The following PKDREJ variants were observed in gnomAD, a reference collection of about 807,000 sequenced individuals.
The protein encoded by PKDREJ is polycystin family receptor for egg jelly.
For missense variants in PKDREJ, 2,507 were observed against 2,807.2 expected (o/e 0.89, Z 2.42); for synonymous variants, 1,031 against 1,095.5 (o/e 0.94, Z 1.16).
Position 46,259,254 on chromosome 22 carries a change from A to G in PKDREJ, c.4069T>C (p.Phe1357Leu). The G allele has an allele frequency of 6.2e-7, 1 of 1,613,938 alleles. No homozygotes were observed. Among genetic ancestry groups the G allele is most frequent in the South Asian group, 1.1e-5 (1 of 91,030 alleles). The stretch of plus-strand genomic sequence containing the variant: ...TTACTACTCACATCTATAAAGAAAA[A>G]GTCTTTTCTAGTCAGACGCTCATCT... The part of the protein sequence containing the change: ...HPDERLTRKD[F>L]FFIDVSSNLR... Residue 1357 changes from phenylalanine to leucine, a missense_variant, in exon 1 of 1, where the codon TTT becomes CTT. Coordinates refer to ENST00000253255, the MANE Select transcript of PKDREJ (RefSeq NM_006071.2). This position sits in a 1 kb window ranked among gnomAD's most constrained non-coding sequence, Gnocchi z 6.8.
chr22:46,257,303 C>T lies in PKDREJ; in HGVS notation c.6020G>A (p.Cys2007Tyr). 6.2e-7 allele frequency: 1 copy of T among 1,614,006 alleles called. No individual in the cohort carries two copies. Among genetic ancestry groups the T allele is most frequent in the Non-Finnish European group, 8.5e-7 (1 of 1,180,016 alleles). ...GAGCACAATCAACACAGTAAATATG[C>T]ACTTTAAAGCAAAGTTGAGCAAATT... ...VYNLLNFALKCIFTVLIVLFL... is the reference protein window; with the variant it reads ...VYNLLNFALKYIFTVLIVLFL... Residue 2007 changes from cysteine (C) to tyrosine (Y), a missense_variant, in exon 1 of 1, where the codon TGC becomes TAC. Physicochemically the swap from Cys to Tyr is radical, Grantham distance 194 (BLOSUM62 -2). Coordinates refer to ENST00000253255, the MANE Select transcript of PKDREJ (RefSeq NM_006071.2). The surrounding 1 kb of genome is among the most constrained non-coding windows in gnomAD (Gnocchi z 4.7).
In PKDREJ at chr22:46,259,587, T is replaced by G; in HGVS notation, c.3736A>C (p.Thr1246Pro). ...IFTGSRWGSGTRANVFVQLRG... is the reference protein window; with the variant it reads ...IFTGSRWGSGPRANVFVQLRG... ...AGTTGCACAAAGACATTGGCCCTGG[T>G]CCCAGACCCCCAACGACTTCCTGTA... Residue 1246 changes from threonine to proline, a missense_variant, in exon 1 of 1, where the codon ACC becomes CCC. Coordinates refer to ENST00000253255, the MANE Select transcript of PKDREJ (RefSeq NM_006071.2). This position sits in a 1 kb window ranked among gnomAD's most constrained non-coding sequence, Gnocchi z 6.8. The G allele has an allele frequency of 6.2e-7, 1 of 1,614,170 alleles. No homozygotes were observed. Among genetic ancestry groups the G allele is most frequent in the Non-Finnish European group, 8.5e-7 (1 of 1,180,014 alleles).
Position 46,260,907 on chromosome 22 carries a change from C to T in PKDREJ, c.2416G>A (p.Val806Met), listed in dbSNP as rs1459193396. The T allele has an allele frequency of 2.5e-6, 4 of 1,614,080 alleles. No homozygotes were observed. The highest frequency in any genetic ancestry group is 2.2e-5 in the East Asian group (1 of 44,892). The change falls in exon 1 of 1, where the codon GTG (valine) becomes ATG (methionine). Residue 806 changes from valine (V) to methionine (M), a missense_variant. Coordinates refer to ENST00000253255, the MANE Select transcript of PKDREJ (RefSeq NM_006071.2). This position sits in a 1 kb window ranked among gnomAD's most constrained non-coding sequence, Gnocchi z 4.5. ...KRFRSEQIEI[V>M]STGILMSLSN... ...AAACTCATTAGTATTCCAGTACTCA[C>T]GATTTCTATTTGTTCAGATCGAAAG...
chr22:46,257,480 G>T lies in PKDREJ; in HGVS notation c.5843C>A (p.Ser1948Tyr). The T allele has an allele frequency of 6.2e-7, 1 of 1,614,112 alleles. No homozygotes were observed. The highest frequency in any genetic ancestry group is 8.5e-7 in the Non-Finnish European group (1 of 1,180,032). The change falls in exon 1 of 1, where the codon TCT (serine) becomes TAT (tyrosine). Residue 1948 changes from serine (S) to tyrosine (Y), a missense_variant. Physicochemically the swap from Ser to Tyr is moderately radical, Grantham distance 144 (BLOSUM62 -2). Transcript: ENST00000253255. This position sits in a 1 kb window ranked among gnomAD's most constrained non-coding sequence, Gnocchi z 4.7. ...SQLGVVNTSI[S>Y]LHSFSLADFD... The stretch of plus-strand genomic sequence containing the variant: ...ATCAGCAAGTGAAAAAGAGTGCAGA[G>T]ATATGCTTGTGTTGACAACTCCTAA...
In PKDREJ at chr22:46,258,707, T is replaced by A. The variant is rs929061165; in HGVS notation, c.4616A>T (p.Asn1539Ile). ...KTPETLGPNTNSNNNIEDDQD... is the reference protein window; with the variant it reads ...KTPETLGPNTISNNNIEDDQD... ...ATCATCTTCTATGTTGTTATTGGAA[T>A]TTGTATTTGGCCCGAGGGTCTCCGG... The change falls in exon 1 of 1, where the codon AAT (asparagine) becomes ATT (isoleucine). Residue 1539 changes from asparagine (N) to isoleucine (I), a missense_variant. Transcript: ENST00000253255. The surrounding 1 kb of genome is among the most constrained non-coding windows in gnomAD (Gnocchi z 6.1). 3.7e-6 allele frequency: 6 copies of A among 1,614,068 alleles called. No homozygotes were observed. The African/African-American group carries it at 8.0e-5, about 22-fold the overall frequency.
rs375927008 is a variant in PKDREJ at position 46,261,326 on chromosome 22, G to A, written c.1997C>T (p.Thr666Ile). 64 of 1,613,778 alleles carry A rather than the reference G, an allele frequency of 4.0e-5. No homozygotes were observed. The highest frequency in any genetic ancestry group is 5.0e-5 in the Non-Finnish European group (59 of 1,180,038). The change falls in exon 1 of 1, where the codon ACC becomes ATC. Residue 666 changes from threonine to isoleucine, a missense_variant. Physicochemically the swap from Thr to Ile is moderately conservative, Grantham distance 89. Coordinates refer to ENST00000253255, the MANE Select transcript of PKDREJ (RefSeq NM_006071.2). This position sits in a 1 kb window ranked among gnomAD's most constrained non-coding sequence, Gnocchi z 7.1. ...ATTTTTGTCAGTGGGAGCCTGTGCG[G>A]TGGCATGCAAAGTCACCTGAGAAAA... Reference protein sequence around the residue: ...GAFSQVTLHATAQAPTDKNSS... With the variant: ...GAFSQVTLHAIAQAPTDKNSS...
chr22:46,262,543 C>T lies in PKDREJ; in HGVS notation c.780G>A (p.Gln260=). 2.5e-6 allele frequency: 4 copies of T among 1,594,198 alleles called. No individual in the cohort carries two copies. Among genetic ancestry groups the T allele is most frequent in the Non-Finnish European group, 3.4e-6 (4 of 1,169,660 alleles). ...GACCCACGGCGGGCACGGAGAACAC[C>T]TGCCAGTACTGGGCGATGGCGCGCG... ...PAARAIAQYW[Q]VFSVPAVGQA... The change falls in exon 1 of 1, where the codon CAG becomes CAA. Residue 260 remains glutamine (Q), a synonymous_variant. Transcript: ENST00000253255. The surrounding 1 kb of genome is among the most constrained non-coding windows in gnomAD (Gnocchi z 8.1).
chr22:46,262,482 G>T lies in PKDREJ; in HGVS notation c.841C>A (p.Gln281Lys), dbSNP rs774752232. 9 of 1,593,696 alleles carry T rather than the reference G, an allele frequency of 5.6e-6. No individual in the cohort carries two copies. The Admixed American group carries it at 8.5e-5, about 15-fold the overall frequency. ...PDWTQPLDLP[Q>K]LEIRNSPLFI... is the part of the protein sequence containing the mutation. ...AAGGGGCTGTTCCTGATCTCGAGCTGGGGCAGATCCAAGGGCTGCGTCCAG... is the reference window on the plus strand; with the variant it reads ...AAGGGGCTGTTCCTGATCTCGAGCTTGGGCAGATCCAAGGGCTGCGTCCAG... The change falls in exon 1 of 1, where the codon CAG (glutamine) becomes AAG (lysine). Residue 281 changes from glutamine (Q) to lysine (K), a missense_variant. Gln to Lys is a moderately conservative substitution (Grantham distance 53, BLOSUM62 1). Coordinates refer to ENST00000253255, the MANE Select transcript of PKDREJ (RefSeq NM_006071.2). The surrounding 1 kb of genome is among the most constrained non-coding windows in gnomAD (Gnocchi z 8.1).
In PKDREJ at chr22:46,260,897, C is replaced by T; in HGVS notation, c.2426G>A (p.Gly809Glu). 1 of 1,613,790 alleles carries T rather than the reference C, an allele frequency of 6.2e-7. No homozygotes were observed. The highest frequency in any genetic ancestry group is 1.3e-5 in the African/African-American group (1 of 75,032). ...RSEQIEIVST[G>E]ILMSLSNILK... Reference sequence around the variant, plus strand: ...AATATTAGACAAACTCATTAGTATTCCAGTACTCACGATTTCTATTTGTTC... The same window carrying T: ...AATATTAGACAAACTCATTAGTATTTCAGTACTCACGATTTCTATTTGTTC... The change falls in exon 1 of 1, where the codon GGA (glycine) becomes GAA (glutamate). Residue 809 changes from glycine to glutamate, a missense_variant. Physicochemically the swap from Gly to Glu is moderately conservative, Grantham distance 98. Transcript: ENST00000253255. The surrounding 1 kb of genome is among the most constrained non-coding windows in gnomAD (Gnocchi z 4.5).
Position 46,260,446 on chromosome 22 carries a change from C to G in PKDREJ, c.2877G>C (p.Leu959Phe). ...VAEVYLVRKN[L>F]TFAAFNLTVG... ...CTGTGAGATTAAAAGCTGCAAAGGT[C>G]AAGTTTTTCCTGACAAGGTACACTT... The change falls in exon 1 of 1, where the codon TTG becomes TTC. Residue 959 changes from leucine to phenylalanine, a missense_variant. Leu to Phe is a conservative substitution (Grantham distance 22, BLOSUM62 0). Coordinates refer to ENST00000253255, the MANE Select transcript of PKDREJ (RefSeq NM_006071.2). The surrounding 1 kb of genome is among the most constrained non-coding windows in gnomAD (Gnocchi z 4.5). 1 of 1,614,216 alleles carries G rather than the reference C, an allele frequency of 6.2e-7. No homozygotes were observed. The highest frequency in any genetic ancestry group is 1.1e-5 in the South Asian group (1 of 91,086).
Position 46,263,285 on chromosome 22 carries a change from C to T in PKDREJ, c.38G>A (p.Gly13Asp). The T allele has an allele frequency of 6.8e-7, 1 of 1,465,156 alleles. No homozygotes were observed. Among genetic ancestry groups the T allele is most frequent in the Non-Finnish European group, 9.0e-7 (1 of 1,116,788 alleles). 90.8% of individuals were successfully genotyped at this position (1,465,156 alleles called of 1,614,324 possible). ...PGPALLLLGVGLSLSVGRLPL... is the reference protein window; with the variant it reads ...PGPALLLLGVDLSLSVGRLPL... ...GAGGCGGCCGACGCTCAGGCTCAGGCCCACGCCCAGAAGGAGGAGAGCGGG... is the reference window on the plus strand; with the variant it reads ...GAGGCGGCCGACGCTCAGGCTCAGGTCCACGCCCAGAAGGAGGAGAGCGGG... The change falls in exon 1 of 1, where the codon GGC (glycine) becomes GAC (aspartate). Residue 13 changes from glycine to aspartate, a missense_variant. Gly to Asp is a moderately conservative substitution (Grantham distance 94). Transcript: ENST00000253255. The surrounding 1 kb of genome is among the most constrained non-coding windows in gnomAD (Gnocchi z 9.4).
Position 46,257,359 on chromosome 22 carries a change from T to C in PKDREJ, c.5964A>G (p.Gln1988=), listed in dbSNP as rs1023458803. Residue 1988 remains glutamine (Q), a synonymous_variant, in exon 1 of 1, where the codon CAA becomes CAG. Coordinates refer to ENST00000253255, the MANE Select transcript of PKDREJ (RefSeq NM_006071.2). This position sits in a 1 kb window ranked among gnomAD's most constrained non-coding sequence, Gnocchi z 4.7. ...YVVDEGCIIM[Q]ERASYVRSVY... is the part of the protein sequence containing the mutation. ...CACTTCTCACATAGGAGGCTCTTTC[T>C]TGCATAATGATACAACCCTCATCAA... The C allele has an allele frequency of 3.1e-6, 5 of 1,614,054 alleles. No individual in the cohort carries two copies. The highest frequency in any genetic ancestry group is 3.4e-6 in the Non-Finnish European group (4 of 1,180,042).
rs1936625357 is a variant in PKDREJ at position 46,255,734 on chromosome 22, A to C, written c.*827T>G. ...ATCTACATAAATGAACATGCTTCTG[A>C]GTGAAAATAGTACAGCTACCAGCCC... is the stretch of plus-strand genomic sequence containing the variant. On this transcript the variant is annotated 3_prime_UTR_variant, in exon 1 of 1. Transcript: ENST00000253255. 1 of 152,246 alleles carries C rather than the reference A, an allele frequency of 6.6e-6. No homozygotes were observed. The highest frequency in any genetic ancestry group is 2.4e-5 in the African/African-American group (1 of 41,472). The allele number at this position is 152,246 out of a possible 1,614,324, so 9.4% of individuals were successfully genotyped here.
chr22:46,259,375 C>G lies in PKDREJ; in HGVS notation c.3948G>C (p.Val1316=). 6.2e-7 allele frequency: 1 copy of G among 1,614,224 alleles called. No individual in the cohort carries two copies. The highest frequency in any genetic ancestry group is 8.5e-7 in the Non-Finnish European group (1 of 1,180,044). ...SPSWYLSRIK[V]ENLFSRHIWL... ...AAATGTGCCTGCTAAACAGATTTTC[C>G]ACTTTGATTCTACTTAAATACCAGC... Residue 1316 remains valine, a synonymous_variant, in exon 1 of 1, where the codon GTG becomes GTC. Transcript: ENST00000253255. This position sits in a 1 kb window ranked among gnomAD's most constrained non-coding sequence, Gnocchi z 6.8.
At position 46,262,232 on chromosome 22, in the gene PKDREJ, G is replaced by A. The variant is rs1936705023; in HGVS notation, c.1091C>T (p.Pro364Leu). Residue 364 changes from proline to leucine, a missense_variant, in exon 1 of 1, where the codon CCA becomes CTA. Transcript: ENST00000253255. This position sits in a 1 kb window ranked among gnomAD's most constrained non-coding sequence, Gnocchi z 8.1. Reference protein sequence around the residue: ...LILDGSTSSDPDADSPLQGLQ... With the variant: ...LILDGSTSSDLDADSPLQGLQ... ...TCCCTGTAACGGGCTGTCCGCATCT[G>A]GGTCCGAGGACGTGGACCCGTCCAG... The A allele has an allele frequency of 6.2e-7, 1 of 1,614,174 alleles. No homozygotes were observed. Among genetic ancestry groups the A allele is most frequent in the Non-Finnish European group, 8.5e-7 (1 of 1,180,028 alleles).
rs772945394 is a variant in PKDREJ at position 46,260,776 on chromosome 22, G to A, written c.2547C>T (p.Asn849=). ...TGGGGGTTCTCATTGAGGTGGTTTT[G>A]TTCCCTGGCACTTTATTAGCCAGTA... The part of the protein sequence containing the change: ...DTILANKVPG[N]KTTSMRTPNF... The change falls in exon 1 of 1, where the codon AAC becomes AAT. Residue 849 remains asparagine, a synonymous_variant. Transcript: ENST00000253255. This position sits in a 1 kb window ranked among gnomAD's most constrained non-coding sequence, Gnocchi z 4.5. The A allele has an allele frequency of 3.1e-6, 5 of 1,613,954 alleles. No individual in the cohort carries two copies.
Position 46,256,969 on chromosome 22 carries a change from G to A in PKDREJ, c.6354C>T (p.Tyr2118=), listed in dbSNP as rs777437042. 1.7e-5 allele frequency: 28 copies of A among 1,613,834 alleles called. No individual in the cohort carries two copies. In the East Asian group the frequency reaches 5.3e-4, roughly 31 times the overall value. ...YLVFGQHEWN[Y]SNLIHSTQTV... is the part of the protein sequence containing the mutation. Reference sequence around the variant, plus strand: ...TCTGAGTGGAATGAATCAAGTTACTGTAGTTCCATTCATGCTGACCAAACA... The same window carrying A: ...TCTGAGTGGAATGAATCAAGTTACTATAGTTCCATTCATGCTGACCAAACA... Residue 2118 remains tyrosine (Y), a synonymous_variant, in exon 1 of 1, where the codon TAC becomes TAT. Coordinates refer to ENST00000253255, the MANE Select transcript of PKDREJ (RefSeq NM_006071.2). This position sits in a 1 kb window ranked among gnomAD's most constrained non-coding sequence, Gnocchi z 5.3.
Position 46,262,368 on chromosome 22 carries a change from G to A in PKDREJ, c.955C>T (p.Pro319Ser). The A allele has an allele frequency of 3.1e-6, 5 of 1,614,160 alleles. No individual in the cohort carries two copies. Among genetic ancestry groups the A allele is most frequent in the Non-Finnish European group, 4.2e-6 (5 of 1,180,012 alleles). The change falls in exon 1 of 1, where the codon CCC (proline) becomes TCC (serine). Residue 319 changes from proline to serine, a missense_variant. By Grantham distance (74) the Pro-to-Ser change is moderately conservative. Transcript: ENST00000253255. This position sits in a 1 kb window ranked among gnomAD's most constrained non-coding sequence, Gnocchi z 8.1. ...ACGGCGTCCGAGTCTTTCACCTCGGGCATCTTGGGGTTCCCTGTGGTGATG... is the reference window on the plus strand; with the variant it reads ...ACGGCGTCCGAGTCTTTCACCTCGGACATCTTGGGGTTCCCTGTGGTGATG... ...VSITTGNPKM[P>S]EVKDSDAVYV...
chr22:46,259,935 CCT>C lies in PKDREJ; in HGVS notation c.3386_3387del (p.Glu1129GlyfsTer12). On this transcript the variant is annotated frameshift_variant, in exon 1 of 1. Coordinates refer to ENST00000253255, the MANE Select transcript of PKDREJ (RefSeq NM_006071.2). LOFTEE classifies it low-confidence loss of function (END_TRUNC). The surrounding 1 kb of genome is among the most constrained non-coding windows in gnomAD (Gnocchi z 6.8). ...CILGEKTSWY[E>X]VHCICKNVVR... Reference sequence around the variant, plus strand: ...ACTACATTCTTGCAGATGCAGTGCACCTCATACCAGCTGGTCTTCTCACCAAG... The same window carrying C: ...ACTACATTCTTGCAGATGCAGTGCACCATACCAGCTGGTCTTCTCACCAAG... 1 of 1,614,052 alleles carries C rather than the reference CCT, an allele frequency of 6.2e-7. No individual in the cohort carries two copies. The highest frequency in any genetic ancestry group is 8.5e-7 in the Non-Finnish European group (1 of 1,180,030).
Sources: gnomAD v4.1 joint callset for allele counts on GRCh38, gnomAD v4.1.1 for gene constraint, Gnocchi (gnomAD v3.1) non-coding constraint, MANE v1.5 for transcripts, NCBI Gene and HGNC (gene_info 2026-07-23, HGNC 2026-07-21) for gene names.